RTL4: variants seen among roughly 807,000 people sequenced by gnomAD.
RTL4 encodes retrotransposon Gag-like protein 4.
In RTL4, 4 loss-of-function variants were observed where a neutral mutation model predicts 5.3. That is an observed-to-expected ratio of 0.75 (90% CI 0.37 to 1.72). The LOEUF (loss-of-function observed/expected upper bound fraction) is 1.72, where lower values mean the gene tolerates loss of function less well. Among genes scored for constraint, RTL4 ranks in the 40% most tolerant of loss-of-function variants. RTL4 has a pLI of 0.04. For synonymous variants in RTL4, 98 were observed against 87.3 expected (o/e 1.12, Z -0.68); for missense variants, 260 against 227.1 (o/e 1.14, Z -0.93).
the RTL4 span, among the ~76,000 whole-genome samples, chrX:112,421,325 G>T: frequency 9.0e-6 from 1 of 111,413 alleles, no homozygotes; most frequent in Non-Finnish European, 1.9e-5. Flanking sequence ...ACAAATGTAA[G>T]GTCTTCATTA....
At chrX:112,119,188 A>G in the RTL4 span, among the ~76,000 whole-genome samples, 1 of 110,375 alleles carries the variant, frequency 9.1e-6, no homozygotes, top group Admixed American at 9.8e-5. Flanking sequence ...GTGGAAATAC[A>G]GTGTGTATAG....
chrX:112,400,124 A>G, the RTL4 span, among the ~76,000 whole-genome samples: 1 of 110,931 alleles, frequency 9.0e-6, no homozygotes, highest in Non-Finnish European at 1.9e-5. Flanking sequence ...TATAGTTTTC[A>G]TCAAACATAG....
the RTL4 span, among the ~76,000 whole-genome samples, chrX:112,426,001 G>A: frequency 3.1e-4 from 34 of 111,389 alleles, no homozygotes; most frequent in Non-Finnish European, 5.3e-4. Flanking sequence ...TAAAGTCATC[G>A]CCATATCCAA....
At chrX:112,407,494 C>T in the RTL4 span, among the ~76,000 whole-genome samples, 1 of 112,152 alleles carries the variant, frequency 8.9e-6, no homozygotes, top group Non-Finnish European at 1.9e-5. Flanking sequence ...TATACTAGAA[C>T]ACCAGGTAGA....
At chrX:112,131,096 G>T in the RTL4 span, among the ~76,000 whole-genome samples, 6 of 109,701 alleles carry the variant, frequency 5.5e-5, no homozygotes, top group Non-Finnish European at 1.1e-4. Context: ...ACTGCGCCCT[G>T]CCTGGGTGAG....
the RTL4 span, among the ~76,000 whole-genome samples, chrX:112,405,491 G>A: frequency 8.9e-6 from 1 of 112,173 alleles, no homozygotes; most frequent in Non-Finnish European, 1.9e-5. Context: ...TGGTGTGGGT[G>A]TTCTTTAAGT....
At chrX:112,196,989 C>T in the RTL4 span, among the ~76,000 whole-genome samples, 7 of 109,832 alleles carry the variant, frequency 6.4e-5, no homozygotes, top group Admixed American at 1.9e-4. Flanking sequence ...TTTTGTTTCA[C>T]GTTTCCCTGA....
chrX:112,132,992 T>G, the RTL4 span, among the ~76,000 whole-genome samples: 1 of 112,309 alleles, frequency 8.9e-6, no homozygotes, highest in Non-Finnish European at 1.9e-5. Flanking sequence ...TAGAGTCTTC[T>G]TTCTAGACAT....
At chrX:112,351,900 T>A in the RTL4 span, among the ~76,000 whole-genome samples, 32 of 111,768 alleles carry the variant, frequency 2.9e-4, no homozygotes, top group Non-Finnish European at 5.1e-4. Context: ...GTGAATTTGA[T>A]CCTGTCATTA....
the RTL4 span, among the ~76,000 whole-genome samples, chrX:112,448,360 T>C: frequency 9.0e-6 from 1 of 111,712 alleles, no homozygotes; most frequent in Admixed American, 9.5e-5. Flanking sequence ...TTGCTGTATC[T>C]TAACCATTGA....
the RTL4 span, among the ~76,000 whole-genome samples, chrX:112,109,361 A>T: frequency 9.0e-6 from 1 of 111,516 alleles, no homozygotes; most frequent in Non-Finnish European, 1.9e-5. Flanking sequence ...CAACAGCAAG[A>T]TTTATTGTGA....
the RTL4 span, among the ~76,000 whole-genome samples, chrX:112,356,455 C>A: frequency 1.8e-5 from 2 of 110,175 alleles, no homozygotes; most frequent in African/African-American, 6.6e-5. Flanking sequence ...TCACAAAAAA[C>A]GATTGTAATT....
the RTL4 span, among the ~76,000 whole-genome samples, chrX:112,132,501 A>G: frequency 9.8e-6 from 1 of 102,463 alleles, no homozygotes; most frequent in Non-Finnish European, 1.9e-5. Flanking sequence ...CCCTCTCTCC[A>G]GAAAAATACA....
At chrX:112,403,469 G>A in the RTL4 span, among the ~76,000 whole-genome samples, 1 of 111,920 alleles carries the variant, frequency 8.9e-6, no homozygotes, top group Non-Finnish European at 1.9e-5. Flanking sequence ...AGCATCATGA[G>A]ACTAAGGCCC....
Position 112,455,549 on chromosome X carries a change from A to G in RTL4, c.821A>G (p.Gln274Arg), listed in dbSNP as rs1926825948. ...CTCACCCCAGCCAAACGAGCCCGCC[A>G]GCAAGAAACTCAGTTGTGCCTCTAC... The change falls in exon 1 of 1, where the codon CAG (glutamine) becomes CGG (arginine). Residue 274 changes from glutamine (Q) to arginine (R), a missense_variant. Transcript: ENST00000340433. 8 of 1,211,712 alleles carry G rather than the reference A, an allele frequency of 6.6e-6. No individual in the cohort carries two copies. The East Asian group carries it at 2.4e-4, about 36-fold the overall frequency.
At chrX:112,108,825 G>C in the RTL4 span, among the ~76,000 whole-genome samples, 1 of 111,410 alleles carries the variant, frequency 9.0e-6, no homozygotes, top group Non-Finnish European at 1.9e-5. Context: ...AAAGTCCACT[G>C]TGCAGGCCTA....
upstream of RTL4, among the ~76,000 whole-genome samples, chrX:112,451,911 A>G (rs1324881184): frequency 9.0e-6 from 1 of 111,277 alleles, no homozygotes; most frequent in Non-Finnish European, 1.9e-5. Context: ...TTTGAGATTT[A>G]TCTGGACAGT....
the RTL4 span, among the ~76,000 whole-genome samples, chrX:112,427,162 C>G: frequency 9.0e-6 from 1 of 111,242 alleles, no homozygotes; most frequent in Non-Finnish European, 1.9e-5. Flanking sequence ...CCCAATATTT[C>G]TTATAAGCAC....
the RTL4 span, among the ~76,000 whole-genome samples, chrX:112,412,252 T>G: frequency 5.4e-5 from 6 of 111,391 alleles, no homozygotes; most frequent in Non-Finnish European, 1.1e-4. Flanking sequence ...ATTGGAAGAA[T>G]CAATATTGTT....
Sources: allele counts gnomAD v4.1 joint callset (sites outside exome capture counted in the v4.1 genomes callset), GRCh38; gene constraint gnomAD v4.1.1; transcripts MANE v1.5; gene names NCBI Gene and HGNC (gene_info 2026-07-23, HGNC 2026-07-21).